NOX4: variants seen among roughly 807,000 people sequenced by gnomAD.
NOX4 encodes the protein kidney oxidase-1.
NOX4 carries 69 observed loss-of-function variants against 87.6 expected under a neutral mutation model. The ratio of observed to expected loss-of-function variants is 0.79; its 90% CI spans 0.65 to 0.96. NOX4 has a LOEUF of 0.96. NOX4 is among the 40% of genes least tolerant of loss of function. NOX4 has a pLI of 0.00. For missense variants in NOX4, 680 were observed against 681.5 expected (o/e 1.00, Z 0.02); for synonymous variants, 275 against 238.2 (o/e 1.15, Z -1.42).
At chr11:89,581,644 G>A in the NOX4 span, among the ~76,000 whole-genome samples, 1 of 152,008 alleles carries the variant, frequency 6.6e-6, no homozygotes, top group Non-Finnish European at 1.5e-5. Flanking sequence ...AAAATGTCAT[G>A]GTTCAAAGAG....
chr11:89,399,442 T>TAA (rs556140776), intron 11 of NOX4, among the ~76,000 whole-genome samples: 16,719 of 125,654 alleles, frequency 0.13, 1,532 homozygotes, highest in East Asian at 0.38. Flanking sequence ...AATATATATA[T>TAA]ATATATATAT....
rs570734882 is a variant in NOX4, at chr11:89,324,735, G to A, written c.*2021C>T. The A allele has an allele frequency of 6.6e-6, 1 of 152,232 alleles. No homozygotes were observed. Among genetic ancestry groups the A allele is most frequent in the Admixed American group, 6.5e-5 (1 of 15,284 alleles). The allele number at this position is 152,232 out of a possible 1,614,324, so 9.4% of individuals were successfully genotyped here. On this transcript the variant is annotated 3_prime_UTR_variant, in exon 18 of 18. Coordinates refer to ENST00000263317, the MANE Select transcript of NOX4 (RefSeq NM_016931.5). ...TTTTTACTAGTTCTTTCTGTTAAAT[G>A]TTTCCATGAAAATTCTTTTTAATCT...
the NOX4 span, among the ~76,000 whole-genome samples, chr11:89,520,915 C>T: frequency 2.0e-5 from 3 of 151,996 alleles, no homozygotes; most frequent in Non-Finnish European, 2.9e-5. Context: ...AAGCTGACAG[C>T]CAAATCAAGA....
intron 13 of NOX4, among the ~76,000 whole-genome samples, chr11:89,343,135 C>T (rs901196917): frequency 2.0e-5 from 3 of 152,090 alleles, no homozygotes; most frequent in Admixed American, 6.6e-5. Flanking sequence ...TTGGACAGGA[C>T]GACTAGAACT....
chr11:89,477,370 G>A (rs967416441), intron 2 of NOX4, among the ~76,000 whole-genome samples: 3 of 152,046 alleles, frequency 2.0e-5, no homozygotes, highest in African/African-American at 2.4e-5. Context: ...AGCAGGTGGA[G>A]CTCAGGTGGT....
At chr11:89,361,221 T>C (rs1191401386) in intron 12 of NOX4, among the ~76,000 whole-genome samples, 2 of 151,784 alleles carry the variant, frequency 1.3e-5, no homozygotes, top group African/African-American at 2.4e-5. Flanking sequence ...AACTAACAAG[T>C]AGATAAAGAA....
At chr11:89,525,746 T>C in the NOX4 span, among the ~76,000 whole-genome samples, 1 of 152,124 alleles carries the variant, frequency 6.6e-6, no homozygotes, top group Non-Finnish European at 1.5e-5. Context: ...TTATCCGTTA[T>C]GGAGGATTAT....
chr11:89,402,082 C>T (rs764260491), intron 9 of NOX4, among the ~76,000 whole-genome samples: 1 of 152,006 alleles, frequency 6.6e-6, no homozygotes. Flanking sequence ...AGCACCAATG[C>T]TGTTGTATGC....
the NOX4 span, among the ~76,000 whole-genome samples, chr11:89,530,509 C>CCT: frequency 7.4e-6 from 1 of 135,446 alleles, no homozygotes; most frequent in Admixed American, 7.5e-5. Context: ...CATCTGTCTA[C>CCT]TTTTTTTTTT....
intron 4 of NOX4, among the ~76,000 whole-genome samples, chr11:89,444,480 CACACACACACACAT>C (rs1450958717): frequency 1.4e-5 from 2 of 148,030 alleles, no homozygotes; most frequent in African/African-American, 5.0e-5. Flanking sequence ...CACACACACA[CACACACACACACAT>C]ACACACACAC....
At chr11:89,454,094 T>TGCCTA (rs1158696860) in intron 2 of NOX4, among the ~76,000 whole-genome samples, 6 of 152,176 alleles carry the variant, frequency 3.9e-5, no homozygotes, top group Admixed American at 2.6e-4. Context: ...CATTAAGGAT[T>TGCCTA]GCCTACACAG....
chr11:89,543,448 A>C, the NOX4 span, among the ~76,000 whole-genome samples: 3 of 152,280 alleles, frequency 2.0e-5, no homozygotes, highest in East Asian at 3.9e-4. Context: ...TTACAGATTT[A>C]ACATGGCTAC....
In NOX4 at chr11:89,365,030, C is replaced by T. The variant is rs1938845922; in HGVS notation, c.1135+8402G>A. On this transcript the variant is annotated intron_variant, in intron 12 of 17. Transcript: ENST00000263317. ...TGCCTTATTCTCTCCCGAGAATATACAGTACTCCCTTTTCTCCCCTCCCTC... is the reference window on the plus strand; with the variant it reads ...TGCCTTATTCTCTCCCGAGAATATATAGTACTCCCTTTTCTCCCCTCCCTC... Among the ~76,000 whole-genome samples the T allele has an allele frequency of 4.6e-5, 7 of 152,076 alleles. No homozygotes were observed. In the South Asian group the frequency reaches 1.4e-3, roughly 31 times the overall value.
intron 13 of NOX4, among the ~76,000 whole-genome samples, chr11:89,344,904 T>C (rs2134927064): frequency 2.0e-5 from 3 of 152,248 alleles, no homozygotes; most frequent in Admixed American, 2.0e-4. Flanking sequence ...AGGGGTATTA[T>C]ATAAAGGTAA....
intron 12 of NOX4, among the ~76,000 whole-genome samples, chr11:89,363,034 T>C (rs1483320486): frequency 6.6e-6 from 1 of 152,142 alleles, no homozygotes; most frequent in Non-Finnish European, 1.5e-5. Flanking sequence ...TGTGCTTCTT[T>C]CCTTTTTTAA....
intron 2 of NOX4, among the ~76,000 whole-genome samples, chr11:89,456,921 T>A (rs552366380): frequency 6.6e-6 from 1 of 152,266 alleles, no homozygotes; most frequent in South Asian, 2.1e-4. Context: ...GCAAATGGGA[T>A]GGGACCAGTC....
chr11:89,338,398 T>C (rs1945823191), intron 15 of NOX4, among the ~76,000 whole-genome samples: 1 of 152,124 alleles, frequency 6.6e-6, no homozygotes, highest in Non-Finnish European at 1.5e-5. Context: ...TATTGATGAA[T>C]ATTTGGGTTG....
At chr11:89,444,974 T>C (rs1481081626) in intron 4 of NOX4, among the ~76,000 whole-genome samples, 2 of 152,090 alleles carry the variant, frequency 1.3e-5, no homozygotes, top group African/African-American at 2.4e-5. Context: ...AAGGAGAAAT[T>C]GAGATGTGCA....
intron 2 of NOX4, among the ~76,000 whole-genome samples, chr11:89,458,035 A>G (rs1431067151): frequency 3.3e-5 from 5 of 151,878 alleles, no homozygotes; most frequent in African/African-American, 7.3e-5. Flanking sequence ...AATGCCAGTC[A>G]TCACAGAATT....
Sources: allele counts gnomAD v4.1 joint callset (sites outside exome capture counted in the v4.1 genomes callset), GRCh38; gene constraint gnomAD v4.1.1; transcripts MANE v1.5; gene names NCBI Gene and HGNC (gene_info 2026-07-23, HGNC 2026-07-21).